The following UBE2T variants were observed in gnomAD, a reference collection of about 807,000 sequenced individuals.
The protein encoded by UBE2T is ubiquitin-conjugating enzyme E2 T.
UBE2T carries 15 observed loss-of-function variants against 23.3 expected under a neutral mutation model. The observed-to-expected ratio is 0.64, with a 90% confidence interval of 0.43 to 0.99. The LOEUF (loss-of-function observed/expected upper bound fraction) is 0.99, where lower values mean the gene tolerates loss of function less well. Ranked by LOEUF, UBE2T falls within the 50% of genes least tolerant of loss-of-function variation. The pLI is 0.00. For synonymous variants in UBE2T, 67 were observed against 78.4 expected (o/e 0.85, Z 0.77); for missense variants, 197 against 234.9 (o/e 0.84, Z 1.05).
intron 6 of UBE2T, 141 bp from the exon 7 acceptor site, chr1:202,332,101 A>C (rs754635120): frequency 4.7e-6 from 5 of 1,063,022 alleles, no homozygotes. Flanking sequence ...ATTCTCTCAA[A>C]GACATCTTCC....
chr1:202,339,599 CAA>C (rs56088102), intron 1 of UBE2T, among the ~76,000 whole-genome samples: 2,120 of 79,156 alleles, frequency 0.027, 11 homozygotes, highest in Middle Eastern at 0.056. Flanking sequence ...GACTCTGTCT[CAA>C]AAAAAAAAAA....
Position 202,335,245 on chromosome 1 carries a change from T to G in UBE2T, c.110-187A>C. The G allele has an allele frequency of 1.7e-6, 1 of 585,356 alleles. No individual in the cohort carries two copies. The highest frequency in any genetic ancestry group is 3.0e-6 in the Non-Finnish European group (1 of 332,796). The allele number at this position is 585,356 out of a possible 1,614,324, so 36.3% of individuals were successfully genotyped here. A position where few individuals can be genotyped will look rare whatever the true frequency, so the allele number is the denominator to read the frequency against. On this transcript the variant is annotated intron_variant, in intron 2 of 6. Coordinates refer to ENST00000646651, the MANE Select transcript of UBE2T (RefSeq NM_014176.4). This position sits in a 1 kb window ranked among gnomAD's most constrained non-coding sequence, Gnocchi z 4.0. ...TAATGTACTCAAAAAGTTAATGGTG[T>G]CAAACAAAGGACATATAGAAAATCT...
At chr1:202,338,107 T>C (rs909604158) in intron 1 of UBE2T, among the ~76,000 whole-genome samples, 31 of 152,212 alleles carry the variant, frequency 2.0e-4, no homozygotes, top group African/African-American at 5.3e-4. Flanking sequence ...ATTTTCTCTA[T>C]AAAGCTTTAT....
At position 202,334,618 on chromosome 1, in the gene UBE2T, T is replaced by TAA. The variant is rs577635936; in HGVS notation, c.179+370_179+371insTT. Among the ~76,000 whole-genome samples the TAA allele has an allele frequency of 9.9e-5, 15 of 152,112 alleles. 1 individual carries two copies. In the East Asian group the frequency reaches 1.2e-3, roughly 12 times the overall value. ...CTGAGAGCGGGGAGAAATGGGGAGT[T>TAA]AGAGTTTAATGGCTATGAAGTTTCA... On this transcript the variant is annotated intron_variant, in intron 3 of 6. Coordinates refer to ENST00000646651, the MANE Select transcript of UBE2T (RefSeq NM_014176.4).
In UBE2T at chr1:202,333,265, T is replaced by C. The variant is rs765788034; in HGVS notation, c.356A>G (p.Asn119Ser). The change falls in exon 5 of 7, where the codon AAC becomes AGC. Residue 119 changes from asparagine to serine, a missense_variant. Asn to Ser is a conservative substitution (Grantham distance 46). Transcript: ENST00000646651. Reference sequence around the variant, plus strand: ...GTCAGCCATGAGCGGGTCATCAGGGTTGGGTTCTGACATGAGCAGCTGAAT... The same window carrying C: ...GTCAGCCATGAGCGGGTCATCAGGGCTGGGTTCTGACATGAGCAGCTGAAT... ...TSIQLLMSEP[N>S]PDDPLMADIS... The C allele has an allele frequency of 1.2e-6, 2 of 1,614,072 alleles. No homozygotes were observed. The highest frequency in any genetic ancestry group is 2.2e-5 in the East Asian group (1 of 44,884).
At chr1:202,339,289 T>A (rs1654947893) in intron 1 of UBE2T, among the ~76,000 whole-genome samples, 1 of 152,044 alleles carries the variant, frequency 6.6e-6, no homozygotes, top group South Asian at 2.1e-4. Context: ...ATCTATTACA[T>A]GCAATTTTCA....
intron 6 of UBE2T, among the ~76,000 whole-genome samples, chr1:202,332,265 A>T (rs1162900032): frequency 6.6e-6 from 1 of 152,180 alleles, no homozygotes; most frequent in African/African-American, 2.4e-5. Flanking sequence ...AATTCTATCA[A>T]CCTGAAGTTT....
At chr1:202,334,883 G>T in intron 3 of UBE2T, 106 bp downstream of exon 3, 3 of 1,031,834 alleles carry the variant, frequency 2.9e-6, no homozygotes, top group Non-Finnish European at 4.2e-6. Context: ...TCATGATAAG[G>T]CCAGGATTAA....
chr1:202,335,009 T>C lies in UBE2T; in HGVS notation c.159A>G (p.Leu53=). The C allele has an allele frequency of 6.2e-7, 1 of 1,612,816 alleles. No individual in the cohort carries two copies. Among genetic ancestry groups the C allele is most frequent in the Non-Finnish European group, 8.5e-7 (1 of 1,179,372 alleles). ...NTPYEKGVFK[L]EVIIPERYPF... ...CTAACCTCTCAGGAATGATAACTTCTAGCTTAAAAACACCTTTCTCATAAG... is the reference window on the plus strand; with the variant it reads ...CTAACCTCTCAGGAATGATAACTTCCAGCTTAAAAACACCTTTCTCATAAG... The change falls in exon 3 of 7, where the codon CTA becomes CTG. Residue 53 remains leucine, a synonymous_variant. Transcript: ENST00000646651. The surrounding 1 kb of genome is among the most constrained non-coding windows in gnomAD (Gnocchi z 4.0).
chr1:202,337,404 T>C (rs1257422894), intron 1 of UBE2T, among the ~76,000 whole-genome samples: 2 of 152,218 alleles, frequency 1.3e-5, no homozygotes, highest in Admixed American at 6.5e-5. Flanking sequence ...TACCCCCAAA[T>C]GTAGAGATAT....
Position 202,331,807 on chromosome 1 carries a change from T to C in UBE2T, c.*28A>G, listed in dbSNP as rs1322333805. The C allele has an allele frequency of 6.2e-7, 1 of 1,613,302 alleles. No homozygotes were observed. Among genetic ancestry groups the C allele is most frequent in the Non-Finnish European group, 8.5e-7 (1 of 1,179,716 alleles). On this transcript the variant is annotated 3_prime_UTR_variant, in exon 7 of 7. Coordinates refer to ENST00000646651, the MANE Select transcript of UBE2T (RefSeq NM_014176.4). ...TTAGATCACCTTGGCAAAGAACACA[T>C]TAACTAAGATGAACCAGGACAAGTC...
At chr1:202,337,913 T>C (rs1171988194) in intron 1 of UBE2T, among the ~76,000 whole-genome samples, 1 of 152,192 alleles carries the variant, frequency 6.6e-6, no homozygotes, top group African/African-American at 2.4e-5. Context: ...TCCATAAATA[T>C]ATACATAAAT....
Position 202,335,270 on chromosome 1 carries a change from T to C in UBE2T, c.110-212A>G, listed in dbSNP as rs563671786. 1.9e-3 allele frequency: 1,061 copies of C among 570,328 alleles called. 5 individuals carry two copies. Among genetic ancestry groups the C allele is most frequent in the Non-Finnish European group, 2.6e-3 (838 of 323,234 alleles). The allele number at this position is 570,328 out of a possible 1,614,324, so 35.3% of individuals were successfully genotyped here. On this transcript the variant is annotated intron_variant, in intron 2 of 6. Transcript: ENST00000646651. This position sits in a 1 kb window ranked among gnomAD's most constrained non-coding sequence, Gnocchi z 4.0. ...TCAAACAAAGGACATATAGAAAATC[T>C]AAAGCAGAAGTTGCAAAATGCTGGC...
At chr1:202,338,047 A>G (rs556987504) in intron 1 of UBE2T, among the ~76,000 whole-genome samples, 3 of 152,304 alleles carry the variant, frequency 2.0e-5, no homozygotes, top group Admixed American at 6.5e-5. Context: ...CCTAAGATCC[A>G]TGAACACGCT....
In UBE2T at chr1:202,335,510, A is replaced by G; in HGVS notation, c.109+136T>C. The G allele has an allele frequency of 1.3e-6, 1 of 791,918 alleles. No homozygotes were observed. Among genetic ancestry groups the G allele is most frequent in the Non-Finnish European group, 2.0e-6 (1 of 502,912 alleles). The allele number at this position is 791,918 out of a possible 1,614,324, so 49.1% of individuals were successfully genotyped here. On this transcript the variant is annotated intron_variant, in intron 2 of 6. Coordinates refer to ENST00000646651, the MANE Select transcript of UBE2T (RefSeq NM_014176.4). This position sits in a 1 kb window ranked among gnomAD's most constrained non-coding sequence, Gnocchi z 4.0. ...AGCAAACCTTTTATAAATGTAAACA[A>G]ATTTGGGTAGAAAGATGGTAGGGCA...
intron 6 of UBE2T, among the ~76,000 whole-genome samples, chr1:202,332,541 A>G (rs1200892205): frequency 6.6e-6 from 1 of 152,232 alleles, no homozygotes; most frequent in Non-Finnish European, 1.5e-5. Context: ...CTGAATGATT[A>G]TTTAGAAGGT....
chr1:202,341,339 G>A (rs1654998139), intron 1 of UBE2T, among the ~76,000 whole-genome samples: 1 of 151,930 alleles, frequency 6.6e-6, no homozygotes, highest in African/African-American at 2.4e-5. Flanking sequence ...AGCACTTTGG[G>A]AGGCCGAGGC....
chr1:202,341,450 C>T lies in UBE2T; in HGVS notation c.-65+445G>A, dbSNP rs374158181. On this transcript the variant is annotated intron_variant, in intron 1 of 6. Transcript: ENST00000646651. ...AAAATTAGCCGGGCGTAGTGGCGGG[C>T]GCCTGTAGTCCCAGCTACTTGGGAG... Among the ~76,000 whole-genome samples, 91 of 148,442 alleles carry T rather than the reference C, an allele frequency of 6.1e-4. No homozygotes were observed. In the South Asian group the frequency reaches 0.01, roughly 17 times the overall value.
intron 6 of UBE2T, 95 bp downstream of exon 6, chr1:202,332,905 CTCAAAAAAAA>C (rs1654786210): frequency 2.8e-6 from 1 of 357,928 alleles, no homozygotes; most frequent in African/African-American, 8.1e-5. Flanking sequence ...GAGACTCCGT[CTCAAAAAAAA>C]AAAAAAAAAA....
Sources: gnomAD v4.1 joint callset for allele counts (sites outside exome capture counted in the v4.1 genomes callset) on GRCh38, gnomAD v4.1.1 for gene constraint, Gnocchi (gnomAD v3.1) non-coding constraint, MANE v1.5 for transcripts, NCBI Gene and HGNC (gene_info 2026-07-23, HGNC 2026-07-21) for gene names.